The following DHX57 variants were observed in gnomAD, a reference collection of about 807,000 sequenced individuals.
The protein encoded by DHX57 is putative ATP-dependent RNA helicase DHX57.
Under a neutral mutation model 156.2 loss-of-function variants are expected in DHX57, and 105 were observed. That is an observed-to-expected ratio of 0.67 (90% CI 0.57 to 0.79). The LOEUF is 0.79. Ranked by LOEUF, DHX57 falls within the 30% of genes least tolerant of loss-of-function variation. The pLI is 0.00. For missense variants in DHX57, 1,847 were observed against 1,661.9 expected (o/e 1.11, Z -1.94); for synonymous variants, 704 against 595.6 (o/e 1.18, Z -2.65).
Position 38,818,954 on chromosome 2 carries a change from G to A in DHX57, c.3394C>T (p.Gln1132Ter), listed in dbSNP as rs147441334. 11 of 1,614,006 alleles carry A rather than the reference G, an allele frequency of 6.8e-6. No homozygotes were observed. Among genetic ancestry groups the A allele is most frequent in the African/African-American group, 1.3e-5 (1 of 74,924 alleles). The change falls in exon 19 of 24, where the codon CAG becomes TAG. Residue 1132 changes from glutamine to a stop codon, truncating the protein, a stop_gained. Transcript: ENST00000457308. LOFTEE classifies it high-confidence loss of function. ...LALLQAYKGW[Q>*]LSTKEGVRAS... Reference sequence around the variant, plus strand: ...CGCACGCCTTCTTTTGTACTTAGCTGCCATCCCTAAATTTTGGAGAAAATC... The same window carrying A: ...CGCACGCCTTCTTTTGTACTTAGCTACCATCCCTAAATTTTGGAGAAAATC...
At chr2:38,859,313 T>G (rs895566683) in intron 5 of DHX57, among the ~76,000 whole-genome samples, 1 of 152,136 alleles carries the variant, frequency 6.6e-6, no homozygotes, top group African/African-American at 2.4e-5. Context: ...TTCTATGAAA[T>G]GTCCAGAGTA....
At position 38,848,325 on chromosome 2, in the gene DHX57, A is replaced by G. The variant is rs755071592; in HGVS notation, c.2108T>C (p.Leu703Pro). 6.2e-7 allele frequency: 1 copy of G among 1,610,948 alleles called. No individual in the cohort carries two copies. Among genetic ancestry groups the G allele is most frequent in the Admixed American group, 1.7e-5 (1 of 59,552 alleles). ...ATAGTCTGAAAAAAGCTCAGCGTTT[A>G]GAGTTGCACTCATTAAAATAACTTG... ...GLQVILMSAT[L>P]NAELFSDYFN... is the part of the protein sequence containing the mutation. Residue 703 changes from leucine (L) to proline (P), a missense_variant, in exon 10 of 24, where the codon CTA becomes CCA. Transcript: ENST00000457308.
intron 14 of DHX57, among the ~76,000 whole-genome samples, chr2:38,827,959 C>A (rs1282355764): frequency 6.6e-6 from 1 of 152,090 alleles, no homozygotes; most frequent in East Asian, 1.9e-4. Context: ...CGGGTTCAAG[C>A]TATTCTCCTG....
intron 9 of DHX57, among the ~76,000 whole-genome samples, chr2:38,849,459 C>T (rs962814354): frequency 2.0e-5 from 3 of 151,980 alleles, no homozygotes; most frequent in Non-Finnish European, 2.9e-5. Context: ...CACTTGTAAT[C>T]CTAGCAGTTT....
intron 9 of DHX57, among the ~76,000 whole-genome samples, chr2:38,850,911 T>C (rs890688669): frequency 7.2e-5 from 11 of 151,896 alleles, no homozygotes; most frequent in Admixed American, 7.2e-4. Flanking sequence ...TCCGACTCTA[T>C]TAAAAAAATA....
chr2:38,874,663 C>T (rs1665522877), intron 1 of DHX57, among the ~76,000 whole-genome samples: 2 of 152,116 alleles, frequency 1.3e-5, no homozygotes, highest in African/African-American at 2.4e-5. Flanking sequence ...CCCGCCTCGG[C>T]CTCCCACAGT....
rs774946922 is a variant in DHX57 at position 38,861,123 on chromosome 2, G to A, written c.1287C>T (p.His429=). Residue 429 remains histidine, a synonymous_variant, in exon 5 of 24, where the codon CAC becomes CAT. Transcript: ENST00000457308. ...TCACAGGAGGGTCACTATACTTGTG[G>A]TGGGTATTCGTTAGTAACTTGACTA... ...SEIVKLLTNT[H]HKYSDPPVNF... is the part of the protein sequence containing the mutation. The A allele has an allele frequency of 3.1e-6, 5 of 1,614,094 alleles. No individual in the cohort carries two copies. In the African/African-American group the frequency reaches 4.0e-5, roughly 13 times the overall value.
chr2:38,830,827 T>G (rs931852858), intron 13 of DHX57, among the ~76,000 whole-genome samples: 1 of 152,068 alleles, frequency 6.6e-6, no homozygotes, highest in Admixed American at 6.6e-5. Flanking sequence ...GGTGTGGTGG[T>G]TCATGCCTGT....
chr2:38,863,111 A>T (rs535387336), intron 3 of DHX57: 40 of 390,018 alleles, frequency 1.0e-4, no homozygotes, highest in East Asian at 7.6e-4. Flanking sequence ...TAAATCAGTT[A>T]CTGAATCCAT....
At position 38,863,533 on chromosome 2, in the gene DHX57, A is replaced by C. The variant is rs774212709; in HGVS notation, c.225-14T>G. 7 of 1,605,596 alleles carry C rather than the reference A, an allele frequency of 4.4e-6. No individual in the cohort carries two copies. In the South Asian group the frequency reaches 7.8e-5, roughly 18 times the overall value. On this transcript the variant is annotated splice_polypyrimidine_tract_variant and intron_variant, in intron 2 of 23. Coordinates refer to ENST00000457308, the MANE Select transcript of DHX57 (RefSeq NM_198963.3). ...CTGTTGCTAGGTCTATAGAGAACAA[A>C]AGAGCAAAATTACACACATATCTTC...
chr2:38,834,704 GC>G (rs1671564143), intron 13 of DHX57, among the ~76,000 whole-genome samples: 1 of 152,130 alleles, frequency 6.6e-6, no homozygotes, highest in Admixed American at 6.6e-5. Context: ...GACATCACAA[GC>G]AAAAGGTGAA....
chr2:38,815,701 A>C, intron 19 of DHX57, 46 bp from the exon 20 acceptor site: 1 of 1,612,840 alleles, frequency 6.2e-7, no homozygotes, highest in African/African-American at 1.3e-5. Context: ...CAGCATAACA[A>C]AGTGTTAAGT....
At chr2:38,867,703 TG>T (rs1259194830) in intron 2 of DHX57, among the ~76,000 whole-genome samples, 19 of 152,168 alleles carry the variant, frequency 1.2e-4, no homozygotes, top group African/African-American at 4.3e-4. Context: ...GGATTACAGG[TG>T]ACTGCCACCA....
At chr2:38,829,385 G>A (rs1231338226) in intron 13 of DHX57, among the ~76,000 whole-genome samples, 1 of 150,432 alleles carries the variant, frequency 6.6e-6, no homozygotes, top group Non-Finnish European at 1.5e-5. Flanking sequence ...GGGTTCAATT[G>A]ATTCTCCCGC....
chr2:38,797,834 T>A lies in DHX57; in HGVS notation c.*465A>T, dbSNP rs1033901525. 1.2e-5 allele frequency: 2 copies of A among 162,922 alleles called. No homozygotes were observed. The highest frequency in any genetic ancestry group is 1.3e-4 in the Admixed American group (2 of 15,226). The allele number at this position is 162,922 out of a possible 1,614,324, so 10.1% of individuals were successfully genotyped here. A position where few individuals can be genotyped will look rare whatever the true frequency, so the allele number is the denominator to read the frequency against. ...GAAATTTTAATTTTGCTTGTTCACA[T>A]AATTTTGGGTTTTTTTTCCCCTTCT... On this transcript the variant is annotated 3_prime_UTR_variant, in exon 24 of 24. Coordinates refer to ENST00000457308, the MANE Select transcript of DHX57 (RefSeq NM_198963.3).
At chr2:38,802,686 C>T in intron 23 of DHX57, 29 bp downstream of exon 23, 1 of 1,612,780 alleles carries the variant, frequency 6.2e-7, no homozygotes, top group South Asian at 1.1e-5. Flanking sequence ...TGGCCTGAGC[C>T]TCATAAAACA....
At chr2:38,798,568 G>A (rs750266538) in intron 23 of DHX57, 126 bp from the exon 24 acceptor site, 49 of 1,069,800 alleles carry the variant, frequency 4.6e-5, no homozygotes, top group Non-Finnish European at 6.1e-5. Flanking sequence ...TCCATTAGGA[G>A]CAAAAACCCT....
At chr2:38,856,546 C>G in intron 6 of DHX57, 85 bp from the exon 7 acceptor site, 2 of 1,479,692 alleles carry the variant, frequency 1.4e-6, no homozygotes, top group South Asian at 2.7e-5. Flanking sequence ...ACTCTGTTGC[C>G]AGGCTGGAGT....
At chr2:38,819,710 C>G (rs1670719162) in intron 17 of DHX57, among the ~76,000 whole-genome samples, 2 of 152,208 alleles carry the variant, frequency 1.3e-5, no homozygotes, top group African/African-American at 4.8e-5. Flanking sequence ...CAAAGAGCCA[C>G]TCATTCTAAA....
Sources: gnomAD v4.1 joint callset for allele counts (sites outside exome capture counted in the v4.1 genomes callset) on GRCh38, gnomAD v4.1.1 for gene constraint, MANE v1.5 for transcripts, NCBI Gene and HGNC (gene_info 2026-07-23, HGNC 2026-07-21) for gene names.